DYNC1I1: variants seen among roughly 807,000 people sequenced by gnomAD.
The protein encoded by DYNC1I1 is cytoplasmic dynein 1 intermediate chain 1.
A neutral mutation model predicts 86.6 loss-of-function variants in DYNC1I1; 43 were observed. The observed-to-expected ratio is 0.50, with a 90% CI of 0.39 to 0.64. DYNC1I1 has a LOEUF of 0.64. Among genes scored for constraint, DYNC1I1 ranks in the 30% least tolerant of loss-of-function variants. DYNC1I1 has a pLI of 0.00. For synonymous variants in DYNC1I1, 262 were observed against 283.7 expected, an observed-to-expected ratio of 0.92 and a Z score of 0.77; for missense variants, 604 against 788.8, an observed-to-expected ratio of 0.77 and a Z score of 2.81.
intron 5 of DYNC1I1, among the ~76,000 whole-genome samples, chr7:95,832,083 G>A (rs1434082659): frequency 6.8e-6 from 1 of 146,908 alleles, no homozygotes; most frequent in East Asian, 2.1e-4. Context: ...TCGTCATATA[G>A]CATTAGGTAT....
intron 5 of DYNC1I1, among the ~76,000 whole-genome samples, chr7:95,847,659 TC>T (rs1789470099): frequency 6.6e-6 from 1 of 152,338 alleles, no homozygotes; most frequent in African/African-American, 2.4e-5. Flanking sequence ...TAATCTGGCC[TC>T]AATATACCTC....
chr7:96,083,705 C>T (rs959906802), intron 16 of DYNC1I1, among the ~76,000 whole-genome samples: 1 of 152,088 alleles, frequency 6.6e-6, no homozygotes, highest in Admixed American at 6.5e-5. Context: ...GAAGGGTCGT[C>T]GAGCAAAGAG....
chr7:95,967,265 T>G (rs1467191394), intron 6 of DYNC1I1, among the ~76,000 whole-genome samples: 1 of 152,134 alleles, frequency 6.6e-6, no homozygotes, highest in African/African-American at 2.4e-5. Context: ...CAAAAGGTTG[T>G]AGGAAATACC....
At chr7:95,998,696 G>A (rs1793933266) in intron 10 of DYNC1I1, among the ~76,000 whole-genome samples, 2 of 152,302 alleles carry the variant, frequency 1.3e-5, no homozygotes, top group Admixed American at 1.3e-4. Flanking sequence ...ACCTTATGAT[G>A]ACTGTACTTT....
chr7:95,934,541 G>A (rs1634045), intron 6 of DYNC1I1, among the ~76,000 whole-genome samples: 120,173 of 152,028 alleles, frequency 0.79, 47,693 homozygotes, highest in East Asian at 0.93. Flanking sequence ...CTTTCTCATA[G>A]ACACTGTTAG....
At chr7:95,811,120 C>T (rs1794821379) in intron 3 of DYNC1I1, among the ~76,000 whole-genome samples, 1 of 152,090 alleles carries the variant, frequency 6.6e-6, no homozygotes, top group African/African-American at 2.4e-5. Context: ...TGTCTGTGAC[C>T]TCATTTTATC....
intron 6 of DYNC1I1, among the ~76,000 whole-genome samples, chr7:95,951,371 C>A (rs1223639099): frequency 6.6e-6 from 1 of 152,130 alleles, no homozygotes. Flanking sequence ...GGCAGTCATG[C>A]TTATGTTCTC....
In DYNC1I1 at chr7:95,907,340, A is replaced by G. The variant is rs1041952808; in HGVS notation, c.490+37342A>G. Among the ~76,000 whole-genome samples, 14 of 152,242 alleles carry G rather than the reference A, an allele frequency of 9.2e-5. 1 individual carries two copies. The highest frequency in any genetic ancestry group is 9.2e-4 in the Admixed American group (14 of 15,274). On this transcript the variant is annotated intron_variant, in intron 6 of 16. Transcript: ENST00000447467. ...TGTGTGCTTTCATAAGCCACCATATAATTGCCAGAATGACCGTTTATATTT... is the reference window on the plus strand; with the variant it reads ...TGTGTGCTTTCATAAGCCACCATATGATTGCCAGAATGACCGTTTATATTT...
chr7:96,079,345 A>G (rs1790442561), intron 15 of DYNC1I1, among the ~76,000 whole-genome samples: 2 of 151,956 alleles, frequency 1.3e-5, no homozygotes, highest in South Asian at 4.1e-4. Context: ...TTTTTTCTTT[A>G]TGTTTTAATA....
At chr7:95,983,497 C>A (rs1793506561) in intron 7 of DYNC1I1, among the ~76,000 whole-genome samples, 1 of 152,050 alleles carries the variant, frequency 6.6e-6, no homozygotes, top group Non-Finnish European at 1.5e-5. Flanking sequence ...AGACCCCCTG[C>A]CTCATGGTCT....
chr7:95,966,826 A>G (rs989086589), intron 6 of DYNC1I1, among the ~76,000 whole-genome samples: 1 of 152,234 alleles, frequency 6.6e-6, no homozygotes, highest in African/African-American at 2.4e-5. Context: ...GTGACCGGTG[A>G]CTAGGACAGG....
At chr7:96,021,946 G>C (rs1794561862) in intron 10 of DYNC1I1, among the ~76,000 whole-genome samples, 2 of 152,234 alleles carry the variant, frequency 1.3e-5, no homozygotes, top group African/African-American at 4.8e-5. Flanking sequence ...TAACAATTAT[G>C]AATAATGCCG....
intron 5 of DYNC1I1, among the ~76,000 whole-genome samples, chr7:95,868,458 C>T (rs1344361343): frequency 1.3e-5 from 2 of 151,868 alleles, no homozygotes; most frequent in South Asian, 4.2e-4. Flanking sequence ...CTGTGCCATC[C>T]GCTAGTAACA....
intron 6 of DYNC1I1, among the ~76,000 whole-genome samples, chr7:95,971,647 C>T (rs1275110567): frequency 6.6e-6 from 1 of 152,072 alleles, no homozygotes; most frequent in Non-Finnish European, 1.5e-5. Flanking sequence ...TTTCATAAGC[C>T]ACAACGTATT....
intron 6 of DYNC1I1, among the ~76,000 whole-genome samples, chr7:95,971,196 T>C (rs1162404061): frequency 6.6e-6 from 1 of 152,112 alleles, no homozygotes; most frequent in African/African-American, 2.4e-5. Context: ...AATCAACTTA[T>C]AGGTGATAGT....
At chr7:95,864,690 A>G (rs59034108) in intron 5 of DYNC1I1, among the ~76,000 whole-genome samples, 22,377 of 152,048 alleles carry the variant, frequency 0.15, 2,038 homozygotes, top group African/African-American at 0.26. Context: ...CAGTTTCTTA[A>G]TATTTTGTAT....
At chr7:95,981,293 G>A (rs1793452115) in intron 7 of DYNC1I1, among the ~76,000 whole-genome samples, 1 of 152,026 alleles carries the variant, frequency 6.6e-6, no homozygotes, top group African/African-American at 2.4e-5. Flanking sequence ...AGTATACATT[G>A]AGGATAGCAG....
chr7:96,038,855 G>T (rs1788950555), intron 13 of DYNC1I1, among the ~76,000 whole-genome samples: 1 of 151,996 alleles, frequency 6.6e-6, no homozygotes, highest in South Asian at 2.1e-4. Flanking sequence ...ATAGTCAATA[G>T]GTTCCCCAAA....
chr7:96,101,157 G>C (rs916852092), downstream of DYNC1I1, among the ~76,000 whole-genome samples: 3 of 152,142 alleles, frequency 2.0e-5, no homozygotes, highest in Non-Finnish European at 4.4e-5. Flanking sequence ...CTAGATCAGA[G>C]AGCAGCCAAG....
Sources: allele counts gnomAD v4.1 joint callset (sites outside exome capture counted in the v4.1 genomes callset), GRCh38; gene constraint gnomAD v4.1.1; transcripts MANE v1.5; gene names NCBI Gene and HGNC (gene_info 2026-07-23, HGNC 2026-07-21).